MARCHF1: variants seen among roughly 807,000 people sequenced by gnomAD.
The protein encoded by MARCHF1 is membrane associated ring-CH-type finger 1.
In MARCHF1, 40 loss-of-function variants were observed where a neutral mutation model predicts 54.2. That is an observed-to-expected ratio of 0.74 (90% CI 0.57 to 0.96). The LOEUF is 0.96. Ranked by LOEUF, MARCHF1 falls within the 40% of genes least tolerant of loss-of-function variation. The pLI, the probability that MARCHF1 is intolerant of heterozygous loss-of-function variation, is 0.00. For missense variants in MARCHF1, 586 were observed against 656.5 expected (o/e 0.89, Z 1.17); for synonymous variants, 236 against 236.3 (o/e 1.00, Z 0.01).
chr4:163,737,164 CTT>C lies in MARCHF1; in HGVS notation c.112-36303_112-36302del, dbSNP rs71925488. On this transcript the variant is annotated intron_variant, in intron 4 of 9. Transcript: ENST00000514618. ...ATCAGCGCTCGCAGCTTTTTTCTTTCTTTTTTTTTTTTTTTTTTCACATATTA... is the reference window on the plus strand; with the variant it reads ...ATCAGCGCTCGCAGCTTTTTTCTTTCTTTTTTTTTTTTTTTTCACATATTA... Among the ~76,000 whole-genome samples, 55 of 72,084 alleles carry C rather than the reference CTT, an allele frequency of 7.6e-4. 2 individuals are homozygous for C. Among genetic ancestry groups the C allele is most frequent in the African/African-American group, 2.2e-3 (50 of 22,724 alleles). The allele number at this position is 72,084 out of a possible 152,430, so 47.3% of individuals were successfully genotyped here.
At chr4:163,727,087 G>GC (rs1554008301) in intron 4 of MARCHF1, among the ~76,000 whole-genome samples, 1 of 151,918 alleles carries the variant, frequency 6.6e-6, no homozygotes, top group Non-Finnish European at 1.5e-5. Context: ...TCCAGTTTGT[G>GC]TTTTTTTCTT....
chr4:164,327,441 G>A (rs776130120), intron 1 of MARCHF1, among the ~76,000 whole-genome samples: 8 of 152,184 alleles, frequency 5.3e-5, no homozygotes, highest in Non-Finnish European at 1.2e-4. Flanking sequence ...AACAGGTGGA[G>A]CTAAAGTCGG....
chr4:164,173,290 T>C (rs973287366), intron 1 of MARCHF1, among the ~76,000 whole-genome samples: 1 of 148,630 alleles, frequency 6.7e-6, no homozygotes, highest in South Asian at 2.1e-4. Flanking sequence ...CAATTGGTTA[T>C]AATTTGGGCA....
At chr4:163,842,609 C>T (rs1749371050) in intron 4 of MARCHF1, among the ~76,000 whole-genome samples, 1 of 152,096 alleles carries the variant, frequency 6.6e-6, no homozygotes, top group Non-Finnish European at 1.5e-5. Flanking sequence ...GGAGTTTGTA[C>T]ACTTCTTATA....
intron 1 of MARCHF1, among the ~76,000 whole-genome samples, chr4:164,259,671 T>C (rs1733408719): frequency 6.6e-6 from 1 of 152,062 alleles, no homozygotes; most frequent in Admixed American, 6.6e-5. Context: ...AGCTGTTGTT[T>C]AGGGGAATGG....
intron 9 of MARCHF1, among the ~76,000 whole-genome samples, chr4:163,531,774 T>A (rs1301464748): frequency 2.0e-5 from 3 of 151,796 alleles, no homozygotes; most frequent in Admixed American, 1.3e-4. Context: ...TGCTTTCCTA[T>A]ATATAGCAGT....
chr4:163,598,943 T>C lies in MARCHF1; in HGVS notation c.1011-13014A>G, dbSNP rs185002180. ...TTAAAACAGAAATAAATTGTTCGGCTGTTTAAAAGATTTACTTTCTTTCTA... is the reference window on the plus strand; with the variant it reads ...TTAAAACAGAAATAAATTGTTCGGCCGTTTAAAAGATTTACTTTCTTTCTA... On this transcript the variant is annotated intron_variant, in intron 7 of 9. Transcript: ENST00000514618. 1.6e-3 allele frequency among the ~76,000 whole-genome samples: 245 copies of C among 152,370 alleles called. 1 individual carries two copies. The highest frequency in any genetic ancestry group is 5.6e-3 in the African/African-American group (235 of 41,596).
chr4:163,596,038 C>T (rs773932016), intron 7 of MARCHF1, among the ~76,000 whole-genome samples: 20 of 151,442 alleles, frequency 1.3e-4, no homozygotes, highest in Non-Finnish European at 2.8e-4. Context: ...TCACAATAGT[C>T]AAAGTCAATA....
intron 1 of MARCHF1, among the ~76,000 whole-genome samples, chr4:164,235,308 T>G (rs998904990): frequency 6.6e-6 from 1 of 152,140 alleles, no homozygotes; most frequent in African/African-American, 2.4e-5. Flanking sequence ...CTACTTATTC[T>G]TTAGAATATT....
At chr4:163,780,973 A>G (rs1326079051) in intron 4 of MARCHF1, among the ~76,000 whole-genome samples, 1 of 152,172 alleles carries the variant, frequency 6.6e-6, no homozygotes, top group Non-Finnish European at 1.5e-5. Flanking sequence ...GCCCGTTGAG[A>G]TGTCTTTTAC....
chr4:163,661,592 T>A (rs1446569397), intron 5 of MARCHF1, among the ~76,000 whole-genome samples: 1 of 152,090 alleles, frequency 6.6e-6, no homozygotes, highest in African/African-American at 2.4e-5. Flanking sequence ...TTTTGATACT[T>A]TAAAAAGTTT....
At chr4:164,031,732 C>A (rs1023381321) in intron 2 of MARCHF1, among the ~76,000 whole-genome samples, 2 of 152,114 alleles carry the variant, frequency 1.3e-5, no homozygotes, top group Non-Finnish European at 2.9e-5. Context: ...ATTTGGTTTG[C>A]CAGTATTTTA....
intron 4 of MARCHF1, among the ~76,000 whole-genome samples, chr4:163,812,956 C>T (rs988714034): frequency 3.9e-5 from 6 of 152,018 alleles, no homozygotes; most frequent in Admixed American, 2.6e-4. Context: ...AAGTGGGATA[C>T]GTAAAGATTA....
chr4:164,002,376 TA>T (rs572673327), intron 2 of MARCHF1, among the ~76,000 whole-genome samples: 4 of 151,178 alleles, frequency 2.6e-5, no homozygotes, highest in African/African-American at 4.9e-5. Context: ...ATGGAAAATA[TA>T]AAAAAAGAAC....
intron 1 of MARCHF1, among the ~76,000 whole-genome samples, chr4:164,213,477 C>T (rs1200858182): frequency 6.6e-6 from 1 of 151,680 alleles, no homozygotes. Context: ...CCTCATGATT[C>T]GCCTGCCTCG....
intron 2 of MARCHF1, among the ~76,000 whole-genome samples, chr4:163,991,991 A>G (rs538444667): frequency 7.2e-6 from 1 of 139,462 alleles, no homozygotes; most frequent in East Asian, 2.3e-4. Flanking sequence ...GGTTGTCTCT[A>G]GTTTAAAAGG....
intron 1 of MARCHF1, among the ~76,000 whole-genome samples, chr4:164,148,937 A>T (rs1729851856): frequency 6.6e-6 from 1 of 152,074 alleles, no homozygotes; most frequent in African/African-American, 2.4e-5. Context: ...TCCCCTCCAA[A>T]TCTCATGTTG....
At position 164,098,161 on chromosome 4, in the gene MARCHF1, T is replaced by C. The variant is rs546103665; in HGVS notation, c.-248+13427A>G. Among the ~76,000 whole-genome samples the C allele has an allele frequency of 3.3e-5, 5 of 152,268 alleles. No individual in the cohort carries two copies. The South Asian group carries it at 1.0e-3, about 32-fold the overall frequency. On this transcript the variant is annotated intron_variant, in intron 2 of 9. Coordinates refer to ENST00000514618, the MANE Select transcript of MARCHF1 (RefSeq NM_001394959.1). ...CTTGCTCTTTCCCGCTTCACACCCA[T>C]CTAAAACAAAATTTCAGATTATCAT...
intron 1 of MARCHF1, among the ~76,000 whole-genome samples, chr4:164,363,154 A>T: frequency 6.6e-6 from 1 of 152,154 alleles, no homozygotes. Context: ...TGGTATAAGA[A>T]AAGATATATC....
Sources: allele counts gnomAD v4.1 joint callset (sites outside exome capture counted in the v4.1 genomes callset), GRCh38; gene constraint gnomAD v4.1.1; transcripts MANE v1.5; gene names NCBI Gene and HGNC (gene_info 2026-07-23, HGNC 2026-07-21).